MKRN3: variants seen among roughly 807,000 people sequenced by gnomAD.
MKRN3 encodes makorin ring finger protein 3.
For missense variants in MKRN3, 749 were observed against 667.0 expected (o/e 1.12, Z -1.35); for synonymous variants, 301 against 250.2 (o/e 1.20, Z -1.91).
Position 23,566,128 on chromosome 15 carries a change from C to A in MKRN3, c.346C>A (p.Arg116Ser). Residue 116 changes from arginine (R) to serine (S), a missense_variant, in exon 1 of 1, where the codon CGC becomes AGC. By Grantham distance (110) the Arg-to-Ser change is moderately radical. Coordinates refer to ENST00000314520, the MANE Select transcript of MKRN3 (RefSeq NM_005664.4). ...GCAGTGCAAGGAGGGGGAGAACTGTCGCTATTCGCACGACCTTTCTGGTCG... is the reference window on the plus strand; with the variant it reads ...GCAGTGCAAGGAGGGGGAGAACTGTAGCTATTCGCACGACCTTTCTGGTCG... ...HGQCKEGENC[R>S]YSHDLSGRKM... 1 of 1,614,136 alleles carries A rather than the reference C, an allele frequency of 6.2e-7. No individual in the cohort carries two copies. Among genetic ancestry groups the A allele is most frequent in the Non-Finnish European group, 8.5e-7 (1 of 1,180,026 alleles).
Position 23,566,268 on chromosome 15 carries a change from T to A in MKRN3, c.486T>A (p.Ala162=). 1.9e-6 allele frequency: 3 copies of A among 1,613,982 alleles called. No homozygotes were observed. The highest frequency in any genetic ancestry group is 2.5e-6 in the Non-Finnish European group (3 of 1,180,028). The change falls in exon 1 of 1, where the codon GCT becomes GCA. Residue 162 remains alanine, a synonymous_variant. Coordinates refer to ENST00000314520, the MANE Select transcript of MKRN3 (RefSeq NM_005664.4). ...AGGAAGTGGCGGAAGCCCCCCCGGC[T>A]GCATCCTCCCTTTCCTTGCCTGTGA... The part of the protein sequence containing the change: ...PTQEVAEAPP[A]ASSLSLPVIG...
Position 23,566,125 on chromosome 15 carries a change from T to G in MKRN3, c.343T>G (p.Cys115Gly). 1 of 1,614,188 alleles carries G rather than the reference T, an allele frequency of 6.2e-7. No individual in the cohort carries two copies. The highest frequency in any genetic ancestry group is 8.5e-7 in the Non-Finnish European group (1 of 1,180,030). Residue 115 changes from cysteine (C) to glycine (G), a missense_variant, in exon 1 of 1, where the codon TGT becomes GGT. Coordinates refer to ENST00000314520, the MANE Select transcript of MKRN3 (RefSeq NM_005664.4). ...IHGQCKEGEN[C>G]RYSHDLSGRK... ...TGGGCAGTGCAAGGAGGGGGAGAAC[T>G]GTCGCTATTCGCACGACCTTTCTGG...
Position 23,567,503 on chromosome 15 carries a change from T to C in MKRN3, c.*197T>C. On this transcript the variant is annotated 3_prime_UTR_variant, in exon 1 of 1. Coordinates refer to ENST00000314520, the MANE Select transcript of MKRN3 (RefSeq NM_005664.4). ...AAAATAAGTCCTTAAAGTTACTGTT[T>C]TGGTGAAATTAATATTAATGTCAGC... 2.1e-6 allele frequency: 3 copies of C among 1,419,186 alleles called. No homozygotes were observed. Among genetic ancestry groups the C allele is most frequent in the Non-Finnish European group, 2.8e-6 (3 of 1,085,546 alleles). 87.9% of individuals were successfully genotyped at this position (1,419,186 alleles called of 1,614,324 possible).
chr15:23,567,276 G>C lies in MKRN3; in HGVS notation c.1494G>C (p.Glu498Asp), dbSNP rs1889124136. Residue 498 changes from glutamate (E) to aspartate (D), a missense_variant, in exon 1 of 1, where the codon GAG becomes GAC. Transcript: ENST00000314520. ...SEDQWDLLHY[E>D]LEEYFNLIL ...ACCAGTGGGACTTGCTTCATTATGA[G>C]CTGGAAGAATATTTCAATTTGATTC... is the stretch of plus-strand genomic sequence containing the variant. 3 of 1,614,196 alleles carry C rather than the reference G, an allele frequency of 1.9e-6. No homozygotes were observed. The East Asian group carries it at 6.7e-5, about 36-fold the overall frequency.
chr15:23,565,837 G>GGT lies in MKRN3; in HGVS notation c.57_58dup (p.Ala20ValfsTer42). On this transcript the variant is annotated frameshift_variant, in exon 1 of 1. Transcript: ENST00000314520. LOFTEE classifies it low-confidence loss of function (END_TRUNC). ...CCACGAGGCAGCCGGGGCCCAGGCA[G>GGT]GTGCTGAGGCAGCAAGGGAGGGTGT... 1 of 1,612,890 alleles carries GGT rather than the reference G, an allele frequency of 6.2e-7. No homozygotes were observed. The highest frequency in any genetic ancestry group is 8.5e-7 in the Non-Finnish European group (1 of 1,179,214).
At position 23,566,405 on chromosome 15, in the gene MKRN3, C is replaced by T; in HGVS notation, c.623C>T (p.Pro208Leu). The stretch of plus-strand genomic sequence containing the variant: ...TGGGCGGATGCCATTGAGTTTGTTC[C>T]AGGGCAGCCCTACCGGGGCCGCTGG... ...ESWADAIEFV[P>L]GQPYRGRWVA... Residue 208 changes from proline to leucine, a missense_variant, in exon 1 of 1, where the codon CCA (proline) becomes CTA (leucine). Physicochemically the swap from Pro to Leu is moderately conservative, Grantham distance 98. Transcript: ENST00000314520. The T allele has an allele frequency of 6.2e-7, 1 of 1,614,152 alleles. No homozygotes were observed. The highest frequency in any genetic ancestry group is 8.5e-7 in the Non-Finnish European group (1 of 1,180,026).
At position 23,566,129 on chromosome 15, in the gene MKRN3, G is replaced by A. The variant is rs745479517; in HGVS notation, c.347G>A (p.Arg116His). 14 of 1,614,140 alleles carry A rather than the reference G, an allele frequency of 8.7e-6. No individual in the cohort carries two copies. The East Asian group carries it at 2.5e-4, about 28-fold the overall frequency. ...CAGTGCAAGGAGGGGGAGAACTGTC[G>A]CTATTCGCACGACCTTTCTGGTCGG... ...HGQCKEGENC[R>H]YSHDLSGRKM... Residue 116 changes from arginine to histidine, a missense_variant, in exon 1 of 1, where the codon CGC becomes CAC. By Grantham distance (29) the Arg-to-His change is conservative. Transcript: ENST00000314520.
rs747489299 is a variant in MKRN3 at position 23,566,258 on chromosome 15, C to G, written c.476C>G (p.Ala159Gly). The G allele has an allele frequency of 8.7e-6, 14 of 1,613,312 alleles. No individual in the cohort carries two copies. The highest frequency in any genetic ancestry group is 1.1e-5 in the Non-Finnish European group (13 of 1,180,000). ...CCCCCGACTCAGGAAGTGGCGGAAG[C>G]CCCCCCGGCTGCATCCTCCCTTTCC... ...IEPPTQEVAE[A>G]PPAASSLSLP... The change falls in exon 1 of 1, where the codon GCC becomes GGC. Residue 159 changes from alanine (A) to glycine (G), a missense_variant. Ala to Gly is a moderately conservative substitution (Grantham distance 60, BLOSUM62 0). Transcript: ENST00000314520.
chr15:23,565,766 G>C lies in MKRN3; in HGVS notation c.-17G>C. The C allele has an allele frequency of 6.4e-7, 1 of 1,565,710 alleles. No individual in the cohort carries two copies. The highest frequency in any genetic ancestry group is 1.2e-5 in the South Asian group (1 of 86,530). On this transcript the variant is annotated 5_prime_UTR_variant, in exon 1 of 1. Coordinates refer to ENST00000314520, the MANE Select transcript of MKRN3 (RefSeq NM_005664.4). ...ACCGGAGAGGTTCTGGCACCATTTCGGGGTGCCAAAGCAGCCATGGAAGAG... is the reference window on the plus strand; with the variant it reads ...ACCGGAGAGGTTCTGGCACCATTTCCGGGTGCCAAAGCAGCCATGGAAGAG...
Position 23,566,583 on chromosome 15 carries a change from CAT to C in MKRN3, c.802_803del (p.Met268ValfsTer23), listed in dbSNP as rs766690218. On this transcript the variant is annotated frameshift_variant, in exon 1 of 1. Transcript: ENST00000314520. LOFTEE classifies it low-confidence loss of function (END_TRUNC). ...TGTACCTCCATGGAGACATATGCGA[CAT>C]GTGTGGGCTGCAGACCTTGCACCCC... The part of the protein sequence containing the change: ...CMYLHGDICD[M>X]CGLQTLHPMD... The C allele has an allele frequency of 1.2e-6, 2 of 1,614,146 alleles. No individual in the cohort carries two copies. The highest frequency in any genetic ancestry group is 2.2e-5 in the East Asian group (1 of 44,872).
In MKRN3 at chr15:23,567,431, A is replaced by C; in HGVS notation, c.*125A>C. 5 of 1,496,324 alleles carry C rather than the reference A, an allele frequency of 3.3e-6. No individual in the cohort carries two copies. The highest frequency in any genetic ancestry group is 4.5e-6 in the Non-Finnish European group (5 of 1,122,994). 92.7% of individuals were successfully genotyped at this position (1,496,324 alleles called of 1,614,324 possible). On this transcript the variant is annotated 3_prime_UTR_variant, in exon 1 of 1. Coordinates refer to ENST00000314520, the MANE Select transcript of MKRN3 (RefSeq NM_005664.4). ...AGGCAGTGCTTCTGTTTTCTTGTCT[A>C]TTCTGCATATCTTTCCCCCTAGGAT...
chr15:23,567,898 T>C lies in MKRN3; in HGVS notation c.*592T>C, dbSNP rs1273482513. On this transcript the variant is annotated 3_prime_UTR_variant, in exon 1 of 1. Coordinates refer to ENST00000314520, the MANE Select transcript of MKRN3 (RefSeq NM_005664.4). The stretch of plus-strand genomic sequence containing the variant: ...TAATTTATATTTGGAAATATATATT[T>C]AAGAATTATATATATAAAAATATAT... 3.7e-6 allele frequency: 3 copies of C among 817,732 alleles called. No homozygotes were observed. The East Asian group carries it at 3.8e-4, about 103-fold the overall frequency. The allele number at this position is 817,732 out of a possible 1,614,324, so 50.7% of individuals were successfully genotyped here.
Position 23,567,015 on chromosome 15 carries a change from A to G in MKRN3, c.1233A>G (p.Pro411=), listed in dbSNP as rs751371643. The G allele has an allele frequency of 3.1e-6, 5 of 1,614,116 alleles. No homozygotes were observed. The highest frequency in any genetic ancestry group is 1.1e-5 in the South Asian group (1 of 91,082). Residue 411 remains proline, a synonymous_variant, in exon 1 of 1, where the codon CCA becomes CCG. Transcript: ENST00000314520. ...TTGCGGAAGGCAGGGGTAACTGCCC[A>G]TTTGGAGACACATGCTTTTACAAGC... ...RYFAEGRGNC[P]FGDTCFYKHE... is the part of the protein sequence containing the mutation.
chr15:23,566,768 T>A lies in MKRN3; in HGVS notation c.986T>A (p.Phe329Tyr). ...YEKANPNDRRFGILSNCNHSF... is the reference protein window; with the variant it reads ...YEKANPNDRRYGILSNCNHSF... ...AAGGCCAACCCCAATGACCGCCGCT[T>A]TGGCATTCTTTCCAATTGCAACCAT... The change falls in exon 1 of 1, where the codon TTT becomes TAT. Residue 329 changes from phenylalanine to tyrosine, a missense_variant. By Grantham distance (22) the Phe-to-Tyr change is conservative (BLOSUM62 3). Transcript: ENST00000314520. The A allele has an allele frequency of 6.2e-7, 1 of 1,614,230 alleles. No individual in the cohort carries two copies. Among genetic ancestry groups the A allele is most frequent in the Non-Finnish European group, 8.5e-7 (1 of 1,180,044 alleles).
Position 23,565,997 on chromosome 15 carries a change from T to C in MKRN3, c.215T>C (p.Leu72Pro), listed in dbSNP as rs963738578. The C allele has an allele frequency of 6.2e-7, 1 of 1,613,818 alleles. No individual in the cohort carries two copies. The highest frequency in any genetic ancestry group is 8.5e-7 in the Non-Finnish European group (1 of 1,179,958). Residue 72 changes from leucine (L) to proline (P), a missense_variant, in exon 1 of 1, where the codon CTG (leucine) becomes CCG (proline). Physicochemically the swap from Leu to Pro is moderately conservative, Grantham distance 98. Transcript: ENST00000314520. ...PVPAHLRRGG[L>P]RPAPASGGGA... Reference sequence around the variant, plus strand: ...CCTGCCCACCTCCGCAGAGGAGGCCTGAGGCCTGCCCCAGCCTCAGGAGGA... The same window carrying C: ...CCTGCCCACCTCCGCAGAGGAGGCCCGAGGCCTGCCCCAGCCTCAGGAGGA...
At position 23,566,600 on chromosome 15, in the gene MKRN3, C is replaced by T. The variant is rs1486401419; in HGVS notation, c.818C>T (p.Thr273Ile). ...ATATGCGACATGTGTGGGCTGCAGA[C>T]CTTGCACCCCATGGATGCTGCCCAG... ...GDICDMCGLQ[T>I]LHPMDAAQRE... Residue 273 changes from threonine (T) to isoleucine (I), a missense_variant, in exon 1 of 1, where the codon ACC becomes ATC. Coordinates refer to ENST00000314520, the MANE Select transcript of MKRN3 (RefSeq NM_005664.4). 2 of 1,614,132 alleles carry T rather than the reference C, an allele frequency of 1.2e-6. No individual in the cohort carries two copies. The highest frequency in any genetic ancestry group is 1.7e-5 in the Admixed American group (1 of 60,020).
In MKRN3 at chr15:23,567,292, A is replaced by T. The variant is rs761888848; in HGVS notation, c.1510A>T (p.Asn504Tyr). The T allele has an allele frequency of 3.0e-5, 49 of 1,613,950 alleles. No homozygotes were observed. The highest frequency in any genetic ancestry group is 4.0e-5 in the Non-Finnish European group (47 of 1,179,992). ...LLHYELEEYF[N>Y]LIL The stretch of plus-strand genomic sequence containing the variant: ...TCATTATGAGCTGGAAGAATATTTC[A>T]ATTTGATTCTGTAGCATCGTGCTGT... Residue 504 changes from asparagine to tyrosine, a missense_variant, in exon 1 of 1, where the codon AAT (asparagine) becomes TAT (tyrosine). Asn to Tyr is a moderately radical substitution (Grantham distance 143). Transcript: ENST00000314520.
rs2239669 is a variant in MKRN3 at position 23,566,445 on chromosome 15, C to T, written c.663C>T (p.Pro221=). ...PYRGRWVASA[P]EAPLQSSETE... is the part of the protein sequence containing the mutation. Reference sequence around the variant, plus strand: ...GGGGCCGCTGGGTTGCATCTGCCCCCGAGGCTCCTCTACAGAGCTCAGAGA... The same window carrying T: ...GGGGCCGCTGGGTTGCATCTGCCCCTGAGGCTCCTCTACAGAGCTCAGAGA... Residue 221 remains proline, a synonymous_variant, in exon 1 of 1, where the codon CCC becomes CCT. Coordinates refer to ENST00000314520, the MANE Select transcript of MKRN3 (RefSeq NM_005664.4). 472,997 of 1,613,684 alleles carry T rather than the reference C, an allele frequency of 0.29. 71,122 individuals carry two copies. Among genetic ancestry groups the T allele is most frequent in the Middle Eastern group, 0.31 (1,900 of 6,062 alleles).
rs777034398 is a variant in MKRN3 at position 23,566,222 on chromosome 15, C to T, written c.440C>T (p.Ala147Val). Residue 147 changes from alanine (A) to valine (V), a missense_variant, in exon 1 of 1, where the codon GCG becomes GTG. Transcript: ENST00000314520. ...ASAGGGPSTA[A>V]HIEPPTQEVA... is the part of the protein sequence containing the mutation. ...GCAGGTGGAGGCCCTAGCACGGCTG[C>T]GCACATCGAGCCCCCGACTCAGGAA... 144 of 1,613,452 alleles carry T rather than the reference C, an allele frequency of 8.9e-5. No individual in the cohort carries two copies. Among genetic ancestry groups the T allele is most frequent in the Non-Finnish European group, 1.2e-4 (139 of 1,180,032 alleles).
Sources: gnomAD v4.1 joint callset for allele counts on GRCh38, gnomAD v4.1.1 for gene constraint, MANE v1.5 for transcripts, NCBI Gene and HGNC (gene_info 2026-07-23, HGNC 2026-07-21) for gene names.